Variants in HNRNPLL observed in about 807,000 individuals in gnomAD.
HNRNPLL encodes the protein heterogeneous nuclear ribonucleoprotein L-like.
In HNRNPLL, 25 loss-of-function variants were observed where a neutral mutation model predicts 67.1. The ratio of observed to expected loss-of-function variants is 0.37; its 90% CI spans 0.27 to 0.52. HNRNPLL has a LOEUF of 0.52. Ranked by LOEUF, HNRNPLL falls within the 20% of genes least tolerant of loss-of-function variation. HNRNPLL has a pLI of 0.90. For missense variants in HNRNPLL, 542 were observed against 673.9 expected (o/e 0.80, Z 2.17); for synonymous variants, 267 against 241.7 (o/e 1.10, Z -0.97).
chr2:38,580,035 C>G (rs4268910), intron 6 of HNRNPLL, among the ~76,000 whole-genome samples: 18,633 of 152,196 alleles, frequency 0.12, 1,233 homozygotes, highest in African/African-American at 0.14. Context: ...CTAACCTCAG[C>G]TGGCTTTGTG....
rs2148328961 is a variant in HNRNPLL at position 38,563,282 on chromosome 2, GA to G, written c.*899del. On this transcript the variant is annotated 3_prime_UTR_variant, in exon 13 of 13. Coordinates refer to ENST00000449105, the MANE Select transcript of HNRNPLL (RefSeq NM_138394.4). ...AGATCCTTAAATCTTGTACCATATA[GA>G]AAAATACATATTACTGATGGATCCA... The G allele has an allele frequency of 6.6e-6, 1 of 151,928 alleles. No individual in the cohort carries two copies. The highest frequency in any genetic ancestry group is 1.5e-5 in the Non-Finnish European group (1 of 67,868). 9.4% of individuals were successfully genotyped at this position (151,928 alleles called of 1,614,324 possible).
At chr2:38,564,909 T>A (rs966188210) in intron 12 of HNRNPLL, among the ~76,000 whole-genome samples, 1 of 151,246 alleles carries the variant, frequency 6.6e-6, no homozygotes, top group African/African-American at 2.4e-5. Context: ...GGAATGTACA[T>A]GAAGACATCT....
At chr2:38,582,970 C>T (rs577098858) in intron 4 of HNRNPLL, among the ~76,000 whole-genome samples, 4 of 151,956 alleles carry the variant, frequency 2.6e-5, no homozygotes, top group South Asian at 2.1e-4. Context: ...CTTTATAAAT[C>T]GGAAAGCAGA....
rs541969457 is a variant in HNRNPLL at position 38,599,557 on chromosome 2, C to A, written c.189+2881G>T. Reference sequence around the variant, plus strand: ...AATGCAGCTCAGTGAATGTGAAAAACCCTAGGAGTTTTTTGCTCTATTAAA... The same window carrying A: ...AATGCAGCTCAGTGAATGTGAAAAAACCTAGGAGTTTTTTGCTCTATTAAA... On this transcript the variant is annotated intron_variant, in intron 1 of 12. Transcript: ENST00000449105. Among the ~76,000 whole-genome samples, 187 of 152,226 alleles carry A rather than the reference C, an allele frequency of 1.2e-3. 1 individual carries two copies. The highest frequency in any genetic ancestry group is 4.4e-3 in the African/African-American group (183 of 41,540).
rs570069787 is a variant in HNRNPLL, at chr2:38,588,748, G to A, written c.308+2782C>T. Among the ~76,000 whole-genome samples the A allele has an allele frequency of 8.0e-4, 122 of 151,842 alleles. 1 individual carries two copies. Among genetic ancestry groups the A allele is most frequent in the Non-Finnish European group, 1.3e-3 (87 of 67,940 alleles). ...ATTGTTTTTTGAAAATCTTTAAAAC[G>A]CACTCATATGAAACCAGGTGTGGTG... On this transcript the variant is annotated intron_variant, in intron 2 of 12. Transcript: ENST00000449105.
At chr2:38,596,161 A>G (rs1474945030) in intron 1 of HNRNPLL, among the ~76,000 whole-genome samples, 1 of 151,876 alleles carries the variant, frequency 6.6e-6, no homozygotes, top group African/African-American at 2.4e-5. Flanking sequence ...TCCTCTCCTG[A>G]GCTTCGTTTT....
At chr2:38,568,730 G>A (rs1573721013) in intron 10 of HNRNPLL, among the ~76,000 whole-genome samples, 1 of 152,016 alleles carries the variant, frequency 6.6e-6, no homozygotes, top group African/African-American at 2.4e-5. Flanking sequence ...CTTAAGGTAG[G>A]GAGTAGAGTT....
At chr2:38,593,713 T>G (rs528527565) in intron 1 of HNRNPLL, among the ~76,000 whole-genome samples, 17 of 151,142 alleles carry the variant, frequency 1.1e-4, no homozygotes, top group Non-Finnish European at 2.4e-4. Context: ...ATGGTGAAAC[T>G]CCGTCTCTGG....
chr2:38,584,236 G>GT (rs1475137032), intron 3 of HNRNPLL, among the ~76,000 whole-genome samples: 1 of 151,912 alleles, frequency 6.6e-6, no homozygotes, highest in Non-Finnish European at 1.5e-5. Context: ...TAATTTTTTC[G>GT]TTTTTTGTAG....
intron 7 of HNRNPLL, among the ~76,000 whole-genome samples, chr2:38,574,262 T>C (rs1666211181): frequency 6.6e-6 from 1 of 151,642 alleles, no homozygotes; most frequent in South Asian, 2.1e-4. Flanking sequence ...GTGGAGAAAC[T>C]GACACTCAAA....
intron 3 of HNRNPLL, among the ~76,000 whole-genome samples, chr2:38,585,371 T>C (rs1310416481): frequency 1.3e-5 from 2 of 152,226 alleles, no homozygotes; most frequent in Non-Finnish European, 2.9e-5. Context: ...CAAACAAGTC[T>C]GTCTATAATT....
In HNRNPLL at chr2:38,564,112, T is replaced by C; in HGVS notation, c.*70A>G. ...AACATGAGATCAACCATTTTAGATTTTTTTTTAATGAAGTGTAGCTTTGAA... is the reference window on the plus strand; with the variant it reads ...AACATGAGATCAACCATTTTAGATTCTTTTTTAATGAAGTGTAGCTTTGAA... On this transcript the variant is annotated 3_prime_UTR_variant, in exon 13 of 13. Transcript: ENST00000449105. 1.1e-6 allele frequency: 1 copy of C among 941,616 alleles called. No individual in the cohort carries two copies. Among genetic ancestry groups the C allele is most frequent in the East Asian group, 2.4e-5 (1 of 41,300 alleles). 58.3% of individuals were successfully genotyped at this position (941,616 alleles called of 1,614,324 possible).
Position 38,585,692 on chromosome 2 carries a change from G to A in HNRNPLL, c.498C>T (p.Asn166=), listed in dbSNP as rs1666697851. The A allele has an allele frequency of 6.2e-7, 1 of 1,613,268 alleles. No individual in the cohort carries two copies. The highest frequency in any genetic ancestry group is 8.5e-7 in the Non-Finnish European group (1 of 1,179,234). ...TCTGAATTGAGAGCAGAAGAACTTT[G>A]TTGCCTCCTGATGGATCATCAGTAT... The part of the protein sequence containing the change: ...PGNTDDPSGG[N]KVLLLSIQNP... The change falls in exon 3 of 13, where the codon AAC becomes AAT. Residue 166 remains asparagine, a synonymous_variant. Coordinates refer to ENST00000449105, the MANE Select transcript of HNRNPLL (RefSeq NM_138394.4).
Position 38,602,922 on chromosome 2 carries a change from T to A in HNRNPLL, c.-296A>T. 2.0e-6 allele frequency: 3 copies of A among 1,506,938 alleles called. No individual in the cohort carries two copies. Among genetic ancestry groups the A allele is most frequent in the South Asian group, 1.2e-5 (1 of 82,950 alleles). 93.3% of individuals were successfully genotyped at this position (1,506,938 alleles called of 1,614,324 possible). The stretch of plus-strand genomic sequence containing the variant: ...CGCTCCCTGCCCGGAGGAGCGAATC[T>A]AAGGATGGGGACGCAACCGTGGCTT... On this transcript the variant is annotated 5_prime_UTR_variant, in exon 1 of 13. Coordinates refer to ENST00000449105, the MANE Select transcript of HNRNPLL (RefSeq NM_138394.4).
chr2:38,586,572 T>C (rs1207519905), intron 2 of HNRNPLL, among the ~76,000 whole-genome samples: 2 of 152,210 alleles, frequency 1.3e-5, no homozygotes, highest in Non-Finnish European at 2.9e-5. Flanking sequence ...CAGCACAAAC[T>C]ACCTCTCTCG....
At chr2:38,597,216 T>C (rs1020100722) in intron 1 of HNRNPLL, among the ~76,000 whole-genome samples, 7 of 152,216 alleles carry the variant, frequency 4.6e-5, no homozygotes, top group Non-Finnish European at 8.8e-5. Context: ...CTCTCTTACA[T>C]AATCTTTCAA....
At chr2:38,601,298 C>A (rs979882822) in intron 1 of HNRNPLL, among the ~76,000 whole-genome samples, 1 of 152,110 alleles carries the variant, frequency 6.6e-6, no homozygotes, top group Non-Finnish European at 1.5e-5. Flanking sequence ...GACTGACCAG[C>A]CTTTTTTTTT....
rs952696424 is a variant in HNRNPLL at position 38,565,880 on chromosome 2, T to C, written c.1574-1643A>G. 4.2e-5 allele frequency: 12 copies of C among 285,866 alleles called. No homozygotes were observed. In the Admixed American group the frequency reaches 5.2e-4, roughly 12 times the overall value. The allele number at this position is 285,866 out of a possible 1,614,324, so 17.7% of individuals were successfully genotyped here. ...ATTGTCAATATTTGTCAGTCTTACT[T>C]TATCTACCTACCCTTCACACACAGT... is the stretch of plus-strand genomic sequence containing the variant. On this transcript the variant is annotated intron_variant, in intron 12 of 12. Coordinates refer to ENST00000449105, the MANE Select transcript of HNRNPLL (RefSeq NM_138394.4).
chr2:38,596,968 C>A lies in HNRNPLL; in HGVS notation c.190-5320G>T, dbSNP rs1341276983. 3.3e-5 allele frequency among the ~76,000 whole-genome samples: 5 copies of A among 152,196 alleles called. No homozygotes were observed. In the South Asian group the frequency reaches 8.3e-4, roughly 25 times the overall value. ...GGCTCTAGACCAGTCTACTTACAGACATTTCAAATTCTCAGCCCTTCAAAG... is the reference window on the plus strand; with the variant it reads ...GGCTCTAGACCAGTCTACTTACAGAAATTTCAAATTCTCAGCCCTTCAAAG... On this transcript the variant is annotated intron_variant, in intron 1 of 12. Coordinates refer to ENST00000449105, the MANE Select transcript of HNRNPLL (RefSeq NM_138394.4).
Sources: gnomAD v4.1 joint callset for allele counts (sites outside exome capture counted in the v4.1 genomes callset) on GRCh38, gnomAD v4.1.1 for gene constraint, MANE v1.5 for transcripts, NCBI Gene and HGNC (gene_info 2026-07-23, HGNC 2026-07-21) for gene names.